ABL2: variants seen among roughly 807,000 people sequenced by gnomAD.
The protein encoded by ABL2 is ABL proto-oncogene 2, non-receptor tyrosine kinase.
In ABL2, 49 loss-of-function variants were observed where a neutral mutation model predicts 107.7. That is an observed-to-expected ratio of 0.45 (90% CI 0.36 to 0.58). The LOEUF (loss-of-function observed/expected upper bound fraction) is 0.58. Among genes scored for constraint, ABL2 ranks in the 20% least tolerant of loss-of-function variants. The pLI, the probability that ABL2 is intolerant of heterozygous loss-of-function variation, is 0.00. For missense variants in ABL2, 1,245 were observed against 1,457.0 expected, an observed-to-expected ratio of 0.85 and a Z score of 2.37; for synonymous variants, 549 against 548.6, an observed-to-expected ratio of 1.00 and a Z score of -0.01.
At chr1:179,112,733 G>A (rs921598005) in intron 9 of ABL2, among the ~76,000 whole-genome samples, 5 of 151,242 alleles carry the variant, frequency 3.3e-5, no homozygotes, top group African/African-American at 1.2e-4. Context: ...GGGACTATGG[G>A]TGTGCAACAC....
chr1:179,205,409 A>G (rs181843891), intron 1 of ABL2, among the ~76,000 whole-genome samples: 106 of 152,328 alleles, frequency 7.0e-4, no homozygotes, highest in Non-Finnish European at 9.3e-4. Flanking sequence ...CCGGCATTAC[A>G]TGAGACCACA....
intron 6 of ABL2, 42 bp from the exon 7 acceptor site, chr1:179,118,806 T>C (rs1654902944): frequency 1.3e-6 from 2 of 1,598,202 alleles, no homozygotes; most frequent in African/African-American, 2.7e-5. Context: ...TAGTGTACAT[T>C]CAAACACTCC....
At chr1:179,110,980 CTTTTTT>C (rs376797144) in intron 10 of ABL2, 1,807 of 597,810 alleles carry the variant, frequency 3.0e-3, no homozygotes, top group South Asian at 3.9e-3. Context: ...TTATTTTTGG[CTTTTTT>C]TTTTTTTTTT....
intron 1 of ABL2, among the ~76,000 whole-genome samples, chr1:179,143,939 A>G (rs1050639595): frequency 6.6e-6 from 1 of 151,490 alleles, no homozygotes; most frequent in Non-Finnish European, 1.5e-5. Context: ...CTCGTGATCC[A>G]CCTGCCTCAG....
At chr1:179,184,363 A>T (rs1485200455) in intron 1 of ABL2, 1 of 681,168 alleles carries the variant, frequency 1.5e-6, no homozygotes, top group African/African-American at 1.8e-5. Flanking sequence ...AAAGCTGGAA[A>T]GGATGCGATG....
intron 1 of ABL2, among the ~76,000 whole-genome samples, chr1:179,145,672 GTA>G (rs1657935585): frequency 6.6e-6 from 1 of 152,132 alleles, no homozygotes; most frequent in Non-Finnish European, 1.5e-5. Context: ...AGTAGACAAT[GTA>G]GCAAGTTCAA....
At chr1:179,171,237 T>C (rs1341268479) in intron 1 of ABL2, among the ~76,000 whole-genome samples, 1 of 152,220 alleles carries the variant, frequency 6.6e-6, no homozygotes, top group African/African-American at 2.4e-5. Flanking sequence ...ATGATTTTAC[T>C]AACCTATTAA....
chr1:179,226,488 T>C (rs1027093580), intron 1 of ABL2, among the ~76,000 whole-genome samples: 1 of 151,990 alleles, frequency 6.6e-6, no homozygotes, highest in Non-Finnish European at 1.5e-5. Flanking sequence ...TTTCTATTTT[T>C]AGTACAGACG....
At position 179,108,206 on chromosome 1, in the gene ABL2, C is replaced by T. The variant is rs1322647318; in HGVS notation, c.3061G>A (p.Gly1021Arg). ...GCGCCCAGAGCTGCCTTCTTTCCTC[C>T]TTCCTGTGTTTCTGATGTGGACTGT... Reference protein sequence around the residue: ...AGQSTSETQEGGKKAALGAVP... With the variant: ...AGQSTSETQERGKKAALGAVP... Residue 1021 changes from glycine to arginine, a missense_variant, in exon 12 of 12, where the codon GGA (glycine) becomes AGA (arginine). Transcript: ENST00000502732. 2.5e-6 allele frequency: 4 copies of T among 1,613,910 alleles called. No individual in the cohort carries two copies. Among genetic ancestry groups the T allele is most frequent in the South Asian group, 2.2e-5 (2 of 91,084 alleles).
rs1203471482 is a variant in ABL2 at position 179,110,954 on chromosome 1, C to T, written c.1652-499G>A. 9 of 1,234,132 alleles carry T rather than the reference C, an allele frequency of 7.3e-6. No individual in the cohort carries two copies. The East Asian group carries it at 1.0e-4, about 14-fold the overall frequency. The allele number at this position is 1,234,132 out of a possible 1,614,324, so 76.4% of individuals were successfully genotyped here. On this transcript the variant is annotated intron_variant, in intron 10 of 11. Coordinates refer to ENST00000502732, the MANE Select transcript of ABL2 (RefSeq NM_007314.4). ...AAGCTGTGGTTACTCTGCATGCTTG[C>T]TAAAATTTGATGTTATTATTTTTGG...
At chr1:179,198,172 C>CA (rs201688067) in intron 1 of ABL2, among the ~76,000 whole-genome samples, 3,838 of 63,202 alleles carry the variant, frequency 0.061, 73 homozygotes, top group Middle Eastern at 0.13. Flanking sequence ...AACCCTGTGC[C>CA]AAAAAAAAAA....
intron 1 of ABL2, among the ~76,000 whole-genome samples, chr1:179,190,850 G>T (rs1469671865): frequency 6.6e-6 from 1 of 152,122 alleles, no homozygotes; most frequent in African/African-American, 2.4e-5. Context: ...ATCACATAAT[G>T]TTTCATTGTT....
chr1:179,185,486 T>A (rs1660632194), intron 1 of ABL2, among the ~76,000 whole-genome samples: 1 of 152,218 alleles, frequency 6.6e-6, no homozygotes, highest in Non-Finnish European at 1.5e-5. Flanking sequence ...GGAAAGATGA[T>A]GCTCAGTTTT....
intron 1 of ABL2, among the ~76,000 whole-genome samples, chr1:179,170,505 C>T (rs904600190): frequency 9.9e-5 from 15 of 152,256 alleles, no homozygotes; most frequent in South Asian, 2.1e-4. Context: ...CAACCTCTGC[C>T]TCCCGTGTTA....
At chr1:179,166,400 A>G (rs1324877972) in intron 1 of ABL2, among the ~76,000 whole-genome samples, 1 of 151,870 alleles carries the variant, frequency 6.6e-6, no homozygotes, top group African/African-American at 2.4e-5. Context: ...ATACTAAAAA[A>G]AAAAAAAAAA....
At chr1:179,146,969 C>CAG (rs936650021) in intron 1 of ABL2, among the ~76,000 whole-genome samples, 1 of 151,630 alleles carries the variant, frequency 6.6e-6, no homozygotes, top group Admixed American at 6.6e-5. Flanking sequence ...CTTATCAGCC[C>CAG]AGAGATGGCC....
chr1:179,140,089 C>A (rs542391162), intron 1 of ABL2, among the ~76,000 whole-genome samples: 1 of 152,306 alleles, frequency 6.6e-6, no homozygotes, highest in East Asian at 1.9e-4. Flanking sequence ...GATTGCTACT[C>A]CTCTGTTCAA....
chr1:179,181,946 A>ATTTTTTTTTTTTTT (rs34828452), intron 1 of ABL2, among the ~76,000 whole-genome samples: 121 of 91,168 alleles, frequency 1.3e-3, no homozygotes, highest in Non-Finnish European at 1.6e-3. Context: ...AGGCCCGGCT[A>ATTTTTTTTTTTTTT]TTTTTTTTTT....
intron 1 of ABL2, among the ~76,000 whole-genome samples, chr1:179,158,278 G>A (rs1658831063): frequency 6.6e-6 from 1 of 152,210 alleles, no homozygotes; most frequent in Non-Finnish European, 1.5e-5. Flanking sequence ...TTAGAAGATA[G>A]AGAATGGGAG....
Sources: allele counts gnomAD v4.1 joint callset (sites outside exome capture counted in the v4.1 genomes callset), GRCh38; gene constraint gnomAD v4.1.1; transcripts MANE v1.5; gene names NCBI Gene and HGNC (gene_info 2026-07-23, HGNC 2026-07-21).